MCOLN2: variants seen among roughly 807,000 people sequenced by gnomAD.
MCOLN2 encodes the protein mucolipin TRP cation channel 2.
Under a neutral mutation model 67.5 loss-of-function variants are expected in MCOLN2, and 57 were observed. The ratio of observed to expected loss-of-function variants is 0.84; its 90% CI spans 0.68 to 1.05. MCOLN2 has a LOEUF of 1.05. Among genes scored for constraint, MCOLN2 ranks in the 50% least tolerant of loss-of-function variants. MCOLN2 has a pLI of 0.00. For synonymous variants in MCOLN2, 246 were observed against 233.3 expected (o/e 1.05, Z -0.50); for missense variants, 620 against 678.8 (o/e 0.91, Z 0.96).
At chr1:84,946,448 AAGT>A (rs980086598) in intron 7 of MCOLN2, among the ~76,000 whole-genome samples, 7 of 152,256 alleles carry the variant, frequency 4.6e-5, no homozygotes, top group Non-Finnish European at 8.8e-5. Context: ...CCTGGAAGGT[AAGT>A]TTAGGCTGAG....
chr1:84,939,287 C>T lies in MCOLN2; in HGVS notation c.1110+266G>A, dbSNP rs1456198590. On this transcript the variant is annotated intron_variant, in intron 9 of 13. Coordinates refer to ENST00000370608, the MANE Select transcript of MCOLN2 (RefSeq NM_153259.4). ...GTTTATGGATAAGCTGCTCCTTTGG[C>T]AACTTAAAAAGAAAAATGAGGCCCA... Among the ~76,000 whole-genome samples, 3 of 152,112 alleles carry T rather than the reference C, an allele frequency of 2.0e-5. No individual in the cohort carries two copies. In the East Asian group the frequency reaches 5.8e-4, roughly 29 times the overall value.
rs116622227 is a variant in MCOLN2, at chr1:84,937,429, C to T, written c.1335+326G>A. 7.9e-3 allele frequency: 1,890 copies of T among 239,170 alleles called. 41 individuals carry two copies. Among genetic ancestry groups the T allele is most frequent in the African/African-American group, 0.04 (1,781 of 44,276 alleles). 14.8% of individuals were successfully genotyped at this position (239,170 alleles called of 1,614,324 possible). ...GGAAATTTTTTATAATAATTTTCCT[C>T]ACTTAATTTTCATTTTTAATATAGT... On this transcript the variant is annotated intron_variant, in intron 11 of 13. Transcript: ENST00000370608.
chr1:84,941,600 A>G (rs1442405259), intron 7 of MCOLN2, among the ~76,000 whole-genome samples: 1 of 152,256 alleles, frequency 6.6e-6, no homozygotes, highest in East Asian at 1.9e-4. Flanking sequence ...AGAATTCAAC[A>G]GAAAGTGATC....
chr1:84,956,994 T>TCC (rs943857675), intron 3 of MCOLN2, among the ~76,000 whole-genome samples: 2 of 152,084 alleles, frequency 1.3e-5, no homozygotes, highest in African/African-American at 2.4e-5. Context: ...GTTTACTCAC[T>TCC]CCTTCAGCTC....
At chr1:84,961,671 G>GT (rs900454713) in intron 2 of MCOLN2, among the ~76,000 whole-genome samples, 48 of 151,996 alleles carry the variant, frequency 3.2e-4, no homozygotes, top group Non-Finnish European at 5.9e-4. Context: ...AAATGACTGG[G>GT]TTTTTTTTAA....
chr1:84,982,301 T>G (rs1650298727), intron 1 of MCOLN2, among the ~76,000 whole-genome samples: 1 of 152,204 alleles, frequency 6.6e-6, no homozygotes, highest in Non-Finnish European at 1.5e-5. Context: ...TTTATTTTAA[T>G]TTTTTAAAAT....
In MCOLN2 at chr1:84,937,859, G is replaced by A. The variant is rs372015849; in HGVS notation, c.1231C>T (p.Gln411Ter). The A allele has an allele frequency of 6.2e-7, 1 of 1,614,170 alleles. No homozygotes were observed. ...QAYNVLILTM[Q>*]ASLPKVLRFC... Reference sequence around the variant, plus strand: ...CGAAGAACTTTTGGCAGTGAGGCCTGCATTGTTAAAATCAGCACCTGAAAA... The same window carrying A: ...CGAAGAACTTTTGGCAGTGAGGCCTACATTGTTAAAATCAGCACCTGAAAA... The change falls in exon 11 of 14, where the codon CAG (glutamine) becomes TAG (stop). Residue 411 changes from glutamine to a stop codon, truncating the protein, a stop_gained. Coordinates refer to ENST00000370608, the MANE Select transcript of MCOLN2 (RefSeq NM_153259.4). LOFTEE classifies it high-confidence loss of function.
In MCOLN2 at chr1:84,937,878, C is replaced by T. The variant is rs539919372; in HGVS notation, c.1213-1G>A. 16 of 1,613,336 alleles carry T rather than the reference C, an allele frequency of 9.9e-6. No homozygotes were observed. In the African/African-American group the frequency reaches 2.0e-4, roughly 20 times the overall value. On this transcript the variant is annotated splice_acceptor_variant, in intron 10 of 13. Coordinates refer to ENST00000370608, the MANE Select transcript of MCOLN2 (RefSeq NM_153259.4). LOFTEE classifies it high-confidence loss of function. ...AGGCCTGCATTGTTAAAATCAGCACCTGAAAAAAAGAACAGAATGGGTGAA... is the reference window on the plus strand; with the variant it reads ...AGGCCTGCATTGTTAAAATCAGCACTTGAAAAAAAGAACAGAATGGGTGAA...
At chr1:84,979,054 C>G (rs1370900437) in intron 1 of MCOLN2, among the ~76,000 whole-genome samples, 1 of 152,098 alleles carries the variant, frequency 6.6e-6, no homozygotes, top group East Asian at 1.9e-4. Context: ...CTTATTCTAG[C>G]CCAGCTGGCA....
intron 1 of MCOLN2, among the ~76,000 whole-genome samples, chr1:84,988,422 A>G (rs1650723795): frequency 6.6e-6 from 1 of 152,258 alleles, no homozygotes; most frequent in East Asian, 1.9e-4. Context: ...AATTAGTAGG[A>G]TGACTGAACT....
chr1:84,975,803 A>C (rs1649965031), intron 1 of MCOLN2, among the ~76,000 whole-genome samples: 1 of 152,150 alleles, frequency 6.6e-6, no homozygotes, highest in Non-Finnish European at 1.5e-5. Flanking sequence ...AAAATTCAAA[A>C]TTCTATCAGA....
In MCOLN2 at chr1:84,929,937, A is replaced by G. The variant is rs147946538; in HGVS notation, c.1543-258T>C. 684 of 249,792 alleles carry G rather than the reference A, an allele frequency of 2.7e-3. 6 individuals carry two copies. Among genetic ancestry groups the G allele is most frequent in the African/African-American group, 0.013 (581 of 44,180 alleles). 15.5% of individuals were successfully genotyped at this position (249,792 alleles called of 1,614,324 possible). A position where few individuals can be genotyped will look rare whatever the true frequency, so the allele number is the denominator to read the frequency against. ...GAGCCAGGGAGAGGTTTTTTTTAAA[A>G]AAAAAAAAGGTAATGAAGGAAATAA... is the stretch of plus-strand genomic sequence containing the variant. On this transcript the variant is annotated intron_variant, in intron 12 of 13. Transcript: ENST00000370608.
At chr1:84,956,364 A>G (rs917657226) in intron 4 of MCOLN2, 67 bp downstream of exon 4, 5 of 1,525,324 alleles carry the variant, frequency 3.3e-6, no homozygotes, top group East Asian at 4.6e-5. Context: ...GGTTGCTAGC[A>G]CATGAGGGCA....
intron 2 of MCOLN2, among the ~76,000 whole-genome samples, chr1:84,965,084 C>T (rs1420260601): frequency 6.6e-6 from 1 of 152,178 alleles, no homozygotes; most frequent in African/African-American, 2.4e-5. Flanking sequence ...ATAATACGAA[C>T]TTGAACAAAA....
At chr1:84,970,515 CAAA>C (rs536266906) in intron 1 of MCOLN2, among the ~76,000 whole-genome samples, 2 of 104,850 alleles carry the variant, frequency 1.9e-5, no homozygotes. Flanking sequence ...ACTAAAAATA[CAAA>C]AAAAAAAAAA....
chr1:84,960,799 C>G (rs780896620), intron 2 of MCOLN2, among the ~76,000 whole-genome samples: 8 of 152,174 alleles, frequency 5.3e-5, no homozygotes, highest in Non-Finnish European at 1.0e-4. Flanking sequence ...TATGAAAAAA[C>G]TGGTACACAC....
chr1:84,958,749 A>G (rs752322527), intron 2 of MCOLN2, 47 bp from the exon 3 acceptor site: 1 of 1,378,588 alleles, frequency 7.3e-7, no homozygotes, highest in Admixed American at 2.5e-5. Flanking sequence ...ACCATTTATC[A>G]GGGGAGGCAA....
In MCOLN2 at chr1:84,926,767, T is replaced by C. The variant is rs1168321795; in HGVS notation, c.1665-46A>G. ...AGAAAAGAGGAAAGATACAATACTT[T>C]AACATCTTTGAGGAGCAATAGGAAT... On this transcript the variant is annotated intron_variant, in intron 13 of 13. Transcript: ENST00000370608. 4.1e-6 allele frequency: 6 copies of C among 1,475,540 alleles called. No homozygotes were observed. The Admixed American group carries it at 7.2e-5, about 18-fold the overall frequency. The allele number at this position is 1,475,540 out of a possible 1,614,324, so 91.4% of individuals were successfully genotyped here.
chr1:84,964,529 G>T (rs953968635), intron 2 of MCOLN2, among the ~76,000 whole-genome samples: 1 of 150,464 alleles, frequency 6.6e-6, no homozygotes, highest in Admixed American at 6.6e-5. Flanking sequence ...GCAGGAGTGG[G>T]GGGGGGTGGG....
Sources: allele counts gnomAD v4.1 joint callset (sites outside exome capture counted in the v4.1 genomes callset), GRCh38; gene constraint gnomAD v4.1.1; transcripts MANE v1.5; gene names NCBI Gene and HGNC (gene_info 2026-07-23, HGNC 2026-07-21).